The following PLA2R1 variants were observed in gnomAD, a reference collection of about 807,000 sequenced individuals.
The protein encoded by PLA2R1 is secretory phospholipase A2 receptor.
A neutral mutation model predicts 195.9 loss-of-function variants in PLA2R1; 158 were observed. The ratio of observed to expected loss-of-function variants is 0.81; its 90% CI spans 0.71 to 0.92. PLA2R1 has a LOEUF of 0.92. Ranked by LOEUF, PLA2R1 falls within the 40% of genes least tolerant of loss-of-function variation. PLA2R1 has a pLI of 0.00. For synonymous variants in PLA2R1, 586 were observed against 598.2 expected, an observed-to-expected ratio of 0.98 and a Z score of 0.30; for missense variants, 1,626 against 1,764.6, an observed-to-expected ratio of 0.92 and a Z score of 1.41.
At chr2:159,973,813 T>C (rs1298174935) in intron 17 of PLA2R1, among the ~76,000 whole-genome samples, 1 of 152,126 alleles carries the variant, frequency 6.6e-6, no homozygotes, top group Admixed American at 6.6e-5. Flanking sequence ...CCCATGAAAC[T>C]GATGGGGCAT....
chr2:160,044,744 T>A (rs200250832), intron 2 of PLA2R1, 30 bp downstream of exon 2: 2 of 1,579,854 alleles, frequency 1.3e-6, no homozygotes, highest in Non-Finnish European at 1.7e-6. Flanking sequence ...AAAACACCAT[T>A]CCCTGAGTGC....
intron 1 of PLA2R1, among the ~76,000 whole-genome samples, chr2:160,058,307 T>C (rs1314434749): frequency 6.6e-6 from 1 of 152,140 alleles, no homozygotes; most frequent in Non-Finnish European, 1.5e-5. Context: ...TTTCACTTTC[T>C]TCTCCCCAGA....
chr2:160,027,730 T>C (rs567747572), intron 6 of PLA2R1, among the ~76,000 whole-genome samples: 1 of 152,276 alleles, frequency 6.6e-6, no homozygotes, highest in South Asian at 2.1e-4. Flanking sequence ...TACTAGACTG[T>C]GATTAGATAT....
chr2:159,941,697 C>G lies in PLA2R1; in HGVS notation c.*81G>C, dbSNP rs913114131. On this transcript the variant is annotated 3_prime_UTR_variant, in exon 30 of 30. Coordinates refer to ENST00000283243, the MANE Select transcript of PLA2R1 (RefSeq NM_007366.5). ...AATTCACATTCTAATGGCATCTGTG[C>G]TGTAAAGGGAAAGACAGATGAGACT... 1 of 711,344 alleles carries G rather than the reference C, an allele frequency of 1.4e-6. No homozygotes were observed. Among genetic ancestry groups the G allele is most frequent in the Non-Finnish European group, 2.5e-6 (1 of 403,976 alleles). The allele number at this position is 711,344 out of a possible 1,614,324, so 44.1% of individuals were successfully genotyped here.
chr2:160,007,867 T>C (rs1244419549), intron 10 of PLA2R1, among the ~76,000 whole-genome samples: 5 of 152,346 alleles, frequency 3.3e-5, no homozygotes, highest in Non-Finnish European at 5.9e-5. Flanking sequence ...CAATGATATC[T>C]TTTTCAAAAA....
At chr2:160,056,645 G>A (rs1164772873) in intron 1 of PLA2R1, among the ~76,000 whole-genome samples, 1 of 151,986 alleles carries the variant, frequency 6.6e-6, no homozygotes, top group Non-Finnish European at 1.5e-5. Context: ...CAAACTTTCT[G>A]CTCCTCAATC....
chr2:159,984,874 C>A (rs1690215825), intron 12 of PLA2R1, among the ~76,000 whole-genome samples: 1 of 152,196 alleles, frequency 6.6e-6, no homozygotes, highest in South Asian at 2.1e-4. Context: ...TGTGGCCAGC[C>A]CTCACCAGGC....
intron 3 of PLA2R1, among the ~76,000 whole-genome samples, chr2:160,038,138 C>T (rs141270617): frequency 3.9e-4 from 60 of 152,232 alleles, no homozygotes; most frequent in African/African-American, 1.4e-3. Context: ...AATTCTTTTG[C>T]GAATTCTCTC....
At chr2:160,031,924 G>C (rs895377207) in intron 4 of PLA2R1, among the ~76,000 whole-genome samples, 12 of 152,022 alleles carry the variant, frequency 7.9e-5, no homozygotes, top group Non-Finnish European at 1.2e-4. Flanking sequence ...ATGCCACCAC[G>C]TCCGGCAAAT....
At chr2:160,004,240 T>G (rs1691813973) in intron 11 of PLA2R1, among the ~76,000 whole-genome samples, 1 of 152,258 alleles carries the variant, frequency 6.6e-6, no homozygotes, top group East Asian at 1.9e-4. Context: ...TGCTGTTAAT[T>G]GCTCTGGGAC....
At chr2:160,053,360 GA>G (rs1208223181) in intron 1 of PLA2R1, among the ~76,000 whole-genome samples, 6 of 130,582 alleles carry the variant, frequency 4.6e-5, no homozygotes, top group South Asian at 2.7e-4. Context: ...GGGGGGGGGG[GA>G]ACAATTCAGA....
At chr2:160,001,433 T>A (rs1009026482) in intron 11 of PLA2R1, among the ~76,000 whole-genome samples, 6 of 151,756 alleles carry the variant, frequency 4.0e-5, no homozygotes, top group Non-Finnish European at 7.4e-5. Flanking sequence ...GGAAAGGACA[T>A]AATAAAATGG....
chr2:159,992,997 A>G (rs1221117063), intron 11 of PLA2R1, among the ~76,000 whole-genome samples: 1 of 152,126 alleles, frequency 6.6e-6, no homozygotes, highest in Non-Finnish European at 1.5e-5. Context: ...ATTTTTCTCA[A>G]TACAGACACC....
intron 11 of PLA2R1, among the ~76,000 whole-genome samples, chr2:159,991,620 C>T (rs11693041): frequency 8.7e-6 from 1 of 114,894 alleles, no homozygotes; most frequent in South Asian, 3.6e-4. Context: ...CCCCTCCCCC[C>T]ACCCCACAAC....
chr2:160,016,845 T>G lies in PLA2R1; in HGVS notation c.1453-133A>C, dbSNP rs1245836494. On this transcript the variant is annotated intron_variant, in intron 8 of 29. Coordinates refer to ENST00000283243, the MANE Select transcript of PLA2R1 (RefSeq NM_007366.5). Reference sequence around the variant, plus strand: ...ATAATGTTTCAGGCGGCACTCTGCTTTGTCACGGAAAGGGTTGACACTTTG... The same window carrying G: ...ATAATGTTTCAGGCGGCACTCTGCTGTGTCACGGAAAGGGTTGACACTTTG... The G allele has an allele frequency of 1.2e-5, 7 of 607,402 alleles. No homozygotes were observed. The Admixed American group carries it at 2.0e-4, about 18-fold the overall frequency. The allele number at this position is 607,402 out of a possible 1,614,324, so 37.6% of individuals were successfully genotyped here. A position where few individuals can be genotyped will look rare whatever the true frequency, so the allele number is the denominator to read the frequency against.
intron 24 of PLA2R1, 54 bp downstream of exon 24, chr2:159,951,286 G>T (rs1187261183): frequency 2.2e-6 from 2 of 925,898 alleles, no homozygotes; most frequent in African/African-American, 1.6e-5. Flanking sequence ...CATGAAGGAG[G>T]TAGATGCTAA....
intron 28 of PLA2R1, among the ~76,000 whole-genome samples, chr2:159,943,449 G>A (rs1687200719): frequency 6.6e-6 from 1 of 152,022 alleles, no homozygotes; most frequent in African/African-American, 2.4e-5. Flanking sequence ...AGTGTACTTG[G>A]GATAACCATC....
At chr2:159,946,099 C>A (rs779212250) in intron 27 of PLA2R1, 80 of 826,602 alleles carry the variant, frequency 9.7e-5, no homozygotes, top group Non-Finnish European at 1.1e-4. Flanking sequence ...GAGAGTCCAT[C>A]CCATGTGTGG....
At chr2:159,994,449 T>C (rs1422199951) in intron 11 of PLA2R1, among the ~76,000 whole-genome samples, 1 of 152,120 alleles carries the variant, frequency 6.6e-6, no homozygotes, top group Non-Finnish European at 1.5e-5. Context: ...GTAAAATACA[T>C]TATGTAATAT....
Sources: allele counts gnomAD v4.1 joint callset (sites outside exome capture counted in the v4.1 genomes callset), GRCh38; gene constraint gnomAD v4.1.1; transcripts MANE v1.5; gene names NCBI Gene and HGNC (gene_info 2026-07-23, HGNC 2026-07-21).